SQSTM1: variants seen among roughly 807,000 people sequenced by gnomAD.
SQSTM1 encodes sequestosome 1, also known as sequestosome-1.
A neutral mutation model predicts 45.1 loss-of-function variants in SQSTM1; 36 were observed. The observed-to-expected ratio is 0.80, with a 90% CI of 0.61 to 1.05. The LOEUF (loss-of-function observed/expected upper bound fraction) is 1.05. SQSTM1 is among the 50% of genes least tolerant of loss of function. The pLI is 0.00. For missense variants in SQSTM1, 617 were observed against 607.1 expected (o/e 1.02, Z -0.17); for synonymous variants, 290 against 244.3 (o/e 1.19, Z -1.74).
At chr5:179,829,887 C>G (rs142483892) in intron 5 of SQSTM1, among the ~76,000 whole-genome samples, 1 of 152,142 alleles carries the variant, frequency 6.6e-6, no homozygotes, top group Non-Finnish European at 1.5e-5. Context: ...CTTGAGCTCA[C>G]GAGTTTGAGA....
chr5:179,836,928 T>C lies in SQSTM1; in HGVS notation c.*335T>C, dbSNP rs551056409. 2 of 606,972 alleles carry C rather than the reference T, an allele frequency of 3.3e-6. No individual in the cohort carries two copies. The highest frequency in any genetic ancestry group is 1.8e-5 in the African/African-American group (1 of 54,084). 37.6% of individuals were successfully genotyped at this position (606,972 alleles called of 1,614,324 possible). A position where few individuals can be genotyped will look rare whatever the true frequency, so the allele number is the denominator to read the frequency against. ...TTGCCTAATGGCTTTCACTTTCTCT[T>C]TTGTTTTAAATGACTCATAGGTCCC... On this transcript the variant is annotated 3_prime_UTR_variant, in exon 8 of 8. Coordinates refer to ENST00000389805, the MANE Select transcript of SQSTM1 (RefSeq NM_003900.5).
intron 1 of SQSTM1, among the ~76,000 whole-genome samples, chr5:179,822,039 G>T (rs985051297): frequency 1.3e-5 from 2 of 152,164 alleles, no homozygotes; most frequent in Admixed American, 1.3e-4. Flanking sequence ...TATTTTCATA[G>T]GTTTGTGGAC....
chr5:179,835,623 C>T (rs561723533), intron 7 of SQSTM1: 18 of 155,196 alleles, frequency 1.2e-4, no homozygotes, highest in South Asian at 9.7e-4. Flanking sequence ...TGCAGTGAGC[C>T]GAGATGGCAG....
At position 179,833,568 on chromosome 5, in the gene SQSTM1, A is replaced by G; in HGVS notation, c.970-19A>G. 6.2e-7 allele frequency: 1 copy of G among 1,614,046 alleles called. No homozygotes were observed. The highest frequency in any genetic ancestry group is 8.5e-7 in the Non-Finnish European group (1 of 1,179,946). On this transcript the variant is annotated intron_variant, in intron 6 of 7. Coordinates refer to ENST00000389805, the MANE Select transcript of SQSTM1 (RefSeq NM_003900.5). The stretch of plus-strand genomic sequence containing the variant: ...TGTTGCGCGTGTCTCCTGTGTGCTC[A>G]TGGTGAGTTTTGTTCCAGGAACAGA...
At chr5:179,823,729 A>C (rs1757878017) in intron 2 of SQSTM1, 129 bp from the exon 3 acceptor site, 1 of 1,050,766 alleles carries the variant, frequency 9.5e-7, no homozygotes, top group Non-Finnish European at 1.4e-6. Context: ...AAGTGGCTGA[A>C]TTTTGTGTGG....
rs150129387 is a variant in SQSTM1 at position 179,821,662 on chromosome 5, C to T, written c.205+521C>T. 76 of 393,716 alleles carry T rather than the reference C, an allele frequency of 1.9e-4. No homozygotes were observed. In the East Asian group the frequency reaches 5.8e-3, roughly 30 times the overall value. 24.4% of individuals were successfully genotyped at this position (393,716 alleles called of 1,614,324 possible). A position where few individuals can be genotyped will look rare whatever the true frequency, so the allele number is the denominator to read the frequency against. ...GGGGGACTCGCGAGCGCCGCGACAG[C>T]GCCTGGGAGAAGGGCACGGATCGCC... On this transcript the variant is annotated intron_variant, in intron 1 of 7. Coordinates refer to ENST00000389805, the MANE Select transcript of SQSTM1 (RefSeq NM_003900.5).
At chr5:179,833,560 G>A (rs557567243) in intron 6 of SQSTM1, 27 bp from the exon 7 acceptor site, 1 of 1,613,678 alleles carries the variant, frequency 6.2e-7, no homozygotes, top group Non-Finnish European at 8.5e-7. Context: ...CGTGTCTCCT[G>A]TGTGCTCATG....
upstream of SQSTM1, among the ~76,000 whole-genome samples, chr5:179,817,750 C>T (rs866677561): frequency 6.6e-6 from 1 of 152,178 alleles, no homozygotes; most frequent in African/African-American, 2.4e-5. Context: ...TGGCTCACGC[C>T]TGCAGTCCCA....
At chr5:179,827,775 A>T (rs569653349) in intron 5 of SQSTM1, among the ~76,000 whole-genome samples, 3 of 151,882 alleles carry the variant, frequency 2.0e-5, no homozygotes, top group African/African-American at 7.3e-5. Context: ...TTCTTTCTTT[A>T]TGAGGAACTA....
intron 1 of SQSTM1, among the ~76,000 whole-genome samples, chr5:179,810,540 A>G (rs1757366030): frequency 6.6e-6 from 1 of 152,156 alleles, no homozygotes; most frequent in African/African-American, 2.4e-5. Flanking sequence ...GTTGGTTCCA[A>G]GTCTTTGCTA....
intron 1 of SQSTM1, chr5:179,821,774 A>C (rs502729): frequency 0.44 from 138,393 of 317,776 alleles, 32,263 homozygotes; most frequent in East Asian, 0.8. Context: ...TGGTGTTGGC[A>C]CAGAAGCCCT....
intron 7 of SQSTM1, chr5:179,835,572 G>A (rs976855555): frequency 6.4e-6 from 1 of 156,776 alleles, no homozygotes; most frequent in South Asian, 1.9e-4. Flanking sequence ...TGCAATCGCA[G>A]GCACTCGGCA....
chr5:179,834,355 C>CT (rs1758405074), intron 7 of SQSTM1, among the ~76,000 whole-genome samples: 1 of 152,094 alleles, frequency 6.6e-6, no homozygotes, highest in South Asian at 2.1e-4. Context: ...TCTTCTCTGC[C>CT]TTAGGGCAGG....
Position 179,837,624 on chromosome 5 carries a change from G to A in SQSTM1, c.*1031G>A. The A allele has an allele frequency of 1.2e-6, 2 of 1,614,216 alleles. No homozygotes were observed. Among genetic ancestry groups the A allele is most frequent in the Non-Finnish European group, 1.7e-6 (2 of 1,180,044 alleles). ...CCTTCTCTTGAGGCCTGTGCTCTGG[G>A]GGTCCCTTGCTTAGCCTGTGCTGGA... is the stretch of plus-strand genomic sequence containing the variant. On this transcript the variant is annotated 3_prime_UTR_variant, in exon 8 of 8. Coordinates refer to ENST00000389805, the MANE Select transcript of SQSTM1 (RefSeq NM_003900.5).
At chr5:179,809,990 T>G (rs13157764) in intron 1 of SQSTM1, among the ~76,000 whole-genome samples, 125,922 of 151,856 alleles carry the variant, frequency 0.83, 52,336 homozygotes, top group Non-Finnish European at 0.86. Flanking sequence ...CACCATGTTG[T>G]CCAGGCTGGT....
In SQSTM1 at chr5:179,825,190, G is replaced by A. The variant is rs768757828; in HGVS notation, c.718G>A (p.Val240Ile). 2.7e-5 allele frequency: 43 copies of A among 1,613,986 alleles called. No individual in the cohort carries two copies. Among genetic ancestry groups the A allele is most frequent in the African/African-American group, 4.0e-5 (3 of 74,928 alleles). ...EDPSVNFLKNVGESVAAALSP... is the reference protein window; with the variant it reads ...EDPSVNFLKNIGESVAAALSP... ...TCCGAGTGTGAATTTCCTGAAGAAC[G>A]TTGGGGAGAGTGTGGCAGCTGCCCT... The change falls in exon 5 of 8, where the codon GTT (valine) becomes ATT (isoleucine). Residue 240 changes from valine to isoleucine, a missense_variant. Transcript: ENST00000389805.
chr5:179,807,871 T>G (rs1181727786), intron 1 of SQSTM1: 1 of 152,296 alleles, frequency 6.6e-6, no homozygotes, highest in Non-Finnish European at 1.5e-5. Flanking sequence ...CAGGCTGGTC[T>G]CGAACTCCTG....
At chr5:179,824,942 C>T (rs1049421528) in intron 4 of SQSTM1, among the ~76,000 whole-genome samples, 3 of 150,942 alleles carry the variant, frequency 2.0e-5, no homozygotes, top group Non-Finnish European at 4.4e-5. Context: ...GGAGATGGCA[C>T]GGGAGAGTGG....
At chr5:179,813,872 C>T (rs1757506093) in intron 2 of SQSTM1, among the ~76,000 whole-genome samples, 1 of 152,204 alleles carries the variant, frequency 6.6e-6, no homozygotes, top group African/African-American at 2.4e-5. Flanking sequence ...AGACATGGCA[C>T]CACAGGCAAA....
Sources: gnomAD v4.1 joint callset for allele counts (sites outside exome capture counted in the v4.1 genomes callset) on GRCh38, gnomAD v4.1.1 for gene constraint, MANE v1.5 for transcripts, NCBI Gene and HGNC (gene_info 2026-07-23, HGNC 2026-07-21) for gene names.